PDSS1: variants seen among roughly 807,000 people sequenced by gnomAD.
The protein encoded by PDSS1 is decaprenyl diphosphate synthase subunit 1, also known as all trans-polyprenyl-diphosphate synthase PDSS1.
Under a neutral mutation model 57.5 loss-of-function variants are expected in PDSS1, and 43 were observed. The ratio of observed to expected loss-of-function variants is 0.75; its 90% CI spans 0.59 to 0.96. The LOEUF is 0.96. PDSS1 is among the 50% of genes least tolerant of loss of function. The probability of loss-of-function intolerance (pLI) is 0.00; values close to 1 mark genes in which losing one functional copy is unlikely to be tolerated. For synonymous variants in PDSS1, 175 were observed against 191.3 expected, an observed-to-expected ratio of 0.91 and a Z score of 0.70; for missense variants, 438 against 527.8, an observed-to-expected ratio of 0.83 and a Z score of 1.67.
chr10:26,746,210 T>G (rs1398245084), intron 11 of PDSS1, 123 bp from the exon 12 acceptor site: 2 of 993,624 alleles, frequency 2.0e-6, no homozygotes, highest in Non-Finnish European at 3.2e-6. Flanking sequence ...GTAGTTTGAC[T>G]GTTAACTGTA....
At chr10:26,707,135 G>C (rs1298490259) in intron 4 of PDSS1, among the ~76,000 whole-genome samples, 1 of 152,170 alleles carries the variant, frequency 6.6e-6, no homozygotes, top group Admixed American at 6.5e-5. Context: ...GCCAGTGTTG[G>C]GGAGGGGAGC....
chr10:26,701,915 C>T (rs1310615042), intron 1 of PDSS1: 5 of 444,832 alleles, frequency 1.1e-5, no homozygotes, highest in Admixed American at 2.4e-5. Context: ...TGCAAAGCCA[C>T]AGAGTCAGAG....
At chr10:26,704,960 TTTCTA>T (rs1835161626) in intron 3 of PDSS1, among the ~76,000 whole-genome samples, 1 of 152,074 alleles carries the variant, frequency 6.6e-6, no homozygotes, top group Non-Finnish European at 1.5e-5. Flanking sequence ...TGCCTGTAAA[TTTCTA>T]TTCTAAATTG....
intron 6 of PDSS1, 81 bp downstream of exon 6, chr10:26,720,440 C>T (rs1163852246): frequency 1.0e-6 from 1 of 966,002 alleles, no homozygotes; most frequent in Admixed American, 1.7e-5. Context: ...AGATTTGTCT[C>T]ATTAAAAATA....
chr10:26,723,070 C>T (rs1422655506), intron 6 of PDSS1, among the ~76,000 whole-genome samples: 1 of 152,064 alleles, frequency 6.6e-6, no homozygotes, highest in African/African-American at 2.4e-5. Context: ...GCTCCCACTC[C>T]ACTCCACCCT....
rs1835153073 is a variant in PDSS1, at chr10:26,704,696, T to G, written c.182T>G (p.Val61Gly). The change falls in exon 3 of 12, where the codon GTG (valine) becomes GGG (glycine). Residue 61 changes from valine (V) to glycine (G), a missense_variant. Physicochemically the swap from Val to Gly is moderately radical, Grantham distance 109 (BLOSUM62 -3). Coordinates refer to ENST00000376215, the MANE Select transcript of PDSS1 (RefSeq NM_014317.5). ...TTATAGATACCCTATATTAATCTTG[T>G]GAAGCATTTAACATCTGCCTGTCCA... is the stretch of plus-strand genomic sequence containing the variant. ...DLSQIPYINLVKHLTSACPNV... is the reference protein window; with the variant it reads ...DLSQIPYINLGKHLTSACPNV... The G allele has an allele frequency of 7.0e-7, 1 of 1,430,342 alleles. No individual in the cohort carries two copies. The highest frequency in any genetic ancestry group is 9.9e-7 in the Non-Finnish European group (1 of 1,012,874). The allele number at this position is 1,430,342 out of a possible 1,614,324, so 88.6% of individuals were successfully genotyped here.
chr10:26,745,833 G>A (rs1268397337), intron 11 of PDSS1, among the ~76,000 whole-genome samples: 1 of 151,166 alleles, frequency 6.6e-6, no homozygotes, highest in African/African-American at 2.4e-5. Flanking sequence ...GTGACAGAGT[G>A]AGACCCTGTC....
At chr10:26,723,961 GT>G in intron 7 of PDSS1, 44 bp downstream of exon 7, 1 of 1,574,554 alleles carries the variant, frequency 6.4e-7, no homozygotes, top group South Asian at 1.1e-5. Flanking sequence ...CAACCCTGGT[GT>G]TTAGCCAGGC....
At chr10:26,726,828 G>A (rs183404002) in intron 8 of PDSS1, among the ~76,000 whole-genome samples, 3 of 152,228 alleles carry the variant, frequency 2.0e-5, no homozygotes, top group Non-Finnish European at 4.4e-5. Flanking sequence ...TTAGGAGGCC[G>A]AGGCGAGTGG....
intron 1 of PDSS1, among the ~76,000 whole-genome samples, chr10:26,700,155 A>G (rs1835000476): frequency 6.7e-6 from 1 of 149,588 alleles, no homozygotes. Flanking sequence ...ACTTCTCAAT[A>G]TATCTTTGAT....
chr10:26,742,756 T>C (rs1280682580), intron 11 of PDSS1, among the ~76,000 whole-genome samples, 179 bp downstream of exon 11: 2 of 152,250 alleles, frequency 1.3e-5, no homozygotes, highest in Non-Finnish European at 2.9e-5. Flanking sequence ...TTTTCATTTC[T>C]CTTCTAGACT....
At chr10:26,721,801 C>T (rs112174950) in intron 6 of PDSS1, among the ~76,000 whole-genome samples, 3 of 152,312 alleles carry the variant, frequency 2.0e-5, no homozygotes, top group African/African-American at 7.2e-5. Context: ...GTGTGTCTGC[C>T]TCTGCCACTG....
chr10:26,744,567 T>TTTTA (rs894734980), intron 11 of PDSS1, among the ~76,000 whole-genome samples: 3 of 151,974 alleles, frequency 2.0e-5, no homozygotes, highest in African/African-American at 7.2e-5. Context: ...ATTTTTGTAT[T>TTTTA]TTTAGTGGAG....
chr10:26,728,811 C>T (rs1404665040), intron 8 of PDSS1, among the ~76,000 whole-genome samples: 3 of 117,648 alleles, frequency 2.5e-5, no homozygotes, highest in African/African-American at 6.6e-5. Flanking sequence ...CAGGGTATCA[C>T]TCTGTCACCC....
At chr10:26,728,183 C>A (rs1836029693) in intron 8 of PDSS1, among the ~76,000 whole-genome samples, 1 of 152,056 alleles carries the variant, frequency 6.6e-6, no homozygotes, top group Non-Finnish European at 1.5e-5. Context: ...TGGTAAAACC[C>A]CATCTCTACT....
At chr10:26,741,851 C>T (rs566719372) in intron 10 of PDSS1, among the ~76,000 whole-genome samples, 40 of 152,062 alleles carry the variant, frequency 2.6e-4, no homozygotes, top group Non-Finnish European at 4.6e-4. Context: ...GATCCTGATA[C>T]GATTTAAAGT....
chr10:26,702,593 C>T (rs954949462), intron 2 of PDSS1, among the ~76,000 whole-genome samples: 16 of 152,118 alleles, frequency 1.1e-4, no homozygotes, highest in African/African-American at 2.2e-4. Context: ...CCTCCCTAGC[C>T]GTTTGGAACT....
At chr10:26,708,890 C>A (rs886651781) in intron 4 of PDSS1, among the ~76,000 whole-genome samples, 1 of 152,206 alleles carries the variant, frequency 6.6e-6, no homozygotes, top group Admixed American at 6.5e-5. Flanking sequence ...ACCCGCCTGA[C>A]CTGCTTCACA....
At chr10:26,744,515 C>T (rs926820168) in intron 11 of PDSS1, among the ~76,000 whole-genome samples, 1 of 152,090 alleles carries the variant, frequency 6.6e-6, no homozygotes, top group Non-Finnish European at 1.5e-5. Context: ...CTCAGCCTCC[C>T]GAGTAGCTGG....
Sources: allele counts gnomAD v4.1 joint callset (sites outside exome capture counted in the v4.1 genomes callset), GRCh38; gene constraint gnomAD v4.1.1; transcripts MANE v1.5; gene names NCBI Gene and HGNC (gene_info 2026-07-23, HGNC 2026-07-21).